WDPCP: variants seen among roughly 807,000 people sequenced by gnomAD.
The protein encoded by WDPCP is WD repeat containing planar cell polarity effector, also known as WD repeat-containing and planar cell polarity effector protein fritz homolog.
A neutral mutation model predicts 93.1 loss-of-function variants in WDPCP; 71 were observed. That is an observed-to-expected ratio of 0.76 (90% CI 0.63 to 0.93). The LOEUF is 0.93. Among genes scored for constraint, WDPCP ranks in the 40% least tolerant of loss-of-function variants. The pLI is 0.00. For missense variants in WDPCP, 844 were observed against 887.4 expected, an observed-to-expected ratio of 0.95 and a Z score of 0.62; for synonymous variants, 315 against 315.0, an observed-to-expected ratio of 1.00 and a Z score of 0.00.
chr2:63,808,553 G>A (rs1236064215), intron 2 of WDPCP, among the ~76,000 whole-genome samples: 1 of 152,172 alleles, frequency 6.6e-6, no homozygotes, highest in Non-Finnish European at 1.5e-5. Flanking sequence ...TGTGTTGGCC[G>A]GGCTGGTCTC....
At chr2:63,575,974 T>C (rs1350384071) in intron 1 of WDPCP, among the ~76,000 whole-genome samples, 1 of 152,166 alleles carries the variant, frequency 6.6e-6, no homozygotes, top group African/African-American at 2.4e-5. Flanking sequence ...TTATTTCCTT[T>C]TTACAGGCAC....
rs904014290 is a variant in WDPCP, at chr2:63,261,169, G to A, written c.1813-1760C>T. ...TGCATCACATACTTCCTGCACTGTC[G>A]AAAGGTTTTTTTTTTTTCTGTTTTT... is the stretch of plus-strand genomic sequence containing the variant. On this transcript the variant is annotated intron_variant, in intron 13 of 17. Transcript: ENST00000272321. Among the ~76,000 whole-genome samples the A allele has an allele frequency of 4.1e-5, 4 of 96,732 alleles. No homozygotes were observed. The East Asian group carries it at 7.6e-4, about 18-fold the overall frequency. 63.5% of individuals were successfully genotyped at this position (96,732 alleles called of 152,430 possible). A position where few individuals can be genotyped will look rare whatever the true frequency, so the allele number is the denominator to read the frequency against.
chr2:63,460,752 G>A (rs768789189), intron 6 of WDPCP, among the ~76,000 whole-genome samples: 31 of 151,892 alleles, frequency 2.0e-4, no homozygotes, highest in Non-Finnish European at 4.3e-4. Flanking sequence ...TCAGCCTCCT[G>A]AGTTGCTGGG....
chr2:63,400,479 A>G (rs1055719018), intron 10 of WDPCP, among the ~76,000 whole-genome samples: 1 of 152,234 alleles, frequency 6.6e-6, no homozygotes, highest in Non-Finnish European at 1.5e-5. Context: ...TAAACTGTAT[A>G]TCTGACAAAG....
intron 12 of WDPCP, among the ~76,000 whole-genome samples, chr2:63,344,857 C>G (rs971604586): frequency 2.6e-5 from 4 of 152,160 alleles, no homozygotes; most frequent in Non-Finnish European, 5.9e-5. Flanking sequence ...ACCAACTAAC[C>G]ACACCAGAAA....
At chr2:63,739,477 A>G (rs1669685034) in intron 2 of WDPCP, among the ~76,000 whole-genome samples, 1 of 152,146 alleles carries the variant, frequency 6.6e-6, no homozygotes, top group Non-Finnish European at 1.5e-5. Context: ...GAATAGTGCT[A>G]CAATGAACAT....
At chr2:63,539,131 T>G (rs961844795) in intron 1 of WDPCP, among the ~76,000 whole-genome samples, 1 of 152,238 alleles carries the variant, frequency 6.6e-6, no homozygotes, top group Non-Finnish European at 1.5e-5. Context: ...TAGTATTTGA[T>G]GAAAAGTGAA....
At chr2:63,550,555 T>A (rs935245409) in intron 1 of WDPCP, among the ~76,000 whole-genome samples, 2 of 151,940 alleles carry the variant, frequency 1.3e-5, no homozygotes, top group Admixed American at 1.3e-4. Flanking sequence ...GTACCATTTT[T>A]CTGTTTCTGT....
At chr2:63,509,110 C>T (rs1702063572) in intron 1 of WDPCP, among the ~76,000 whole-genome samples, 1 of 152,144 alleles carries the variant, frequency 6.6e-6, no homozygotes, top group Non-Finnish European at 1.5e-5. Flanking sequence ...AACTCTCCAC[C>T]CCAAGTCAAC....
chr2:63,651,945 T>C (rs1710114286), intron 2 of WDPCP, among the ~76,000 whole-genome samples: 1 of 152,238 alleles, frequency 6.6e-6, no homozygotes, highest in Non-Finnish European at 1.5e-5. Context: ...CGTGTGTTCC[T>C]GGAGCTATAA....
At chr2:63,533,852 C>T (rs567544307) in intron 1 of WDPCP, among the ~76,000 whole-genome samples, 80 of 151,458 alleles carry the variant, frequency 5.3e-4, no homozygotes, top group African/African-American at 1.8e-3. Flanking sequence ...CAAGAAATAA[C>T]AAAGATCAGA....
In WDPCP at chr2:63,152,902, A is replaced by G. The variant is rs1447133161; in HGVS notation, c.2190+12T>C. 1.2e-6 allele frequency: 2 copies of G among 1,609,850 alleles called. No homozygotes were observed. Among genetic ancestry groups the G allele is most frequent in the South Asian group, 1.1e-5 (1 of 90,922 alleles). ...TTTAAATGTCTAGTAATAAACAGAG[A>G]AAGTGTTTTACCTGTTCTCTGCCGT... On this transcript the variant is annotated intron_variant, in intron 17 of 17. Transcript: ENST00000272321.
chr2:63,327,939 G>A (rs1224655568), intron 12 of WDPCP, among the ~76,000 whole-genome samples: 5 of 152,118 alleles, frequency 3.3e-5, no homozygotes, highest in African/African-American at 1.2e-4. Flanking sequence ...GTTCCCCTCT[G>A]AAGGACACTA....
At chr2:63,380,727 A>T (rs1296693678) in intron 11 of WDPCP, among the ~76,000 whole-genome samples, 2 of 152,118 alleles carry the variant, frequency 1.3e-5, no homozygotes, top group African/African-American at 4.8e-5. Flanking sequence ...TCTCTAAATA[A>T]AAAAAGAAAA....
chr2:63,572,156 C>T (rs536250498), intron 1 of WDPCP, among the ~76,000 whole-genome samples: 2 of 152,304 alleles, frequency 1.3e-5, no homozygotes, highest in Non-Finnish European at 2.9e-5. Context: ...CCTTAACCCA[C>T]TGAATACTTT....
intron 12 of WDPCP, among the ~76,000 whole-genome samples, chr2:63,362,433 G>A (rs1461786844): frequency 6.6e-6 from 1 of 151,614 alleles, no homozygotes; most frequent in African/African-American, 2.4e-5. Flanking sequence ...GGTCATCAGT[G>A]GTGTTTATTA....
chr2:63,215,085 G>C (rs551962102), intron 14 of WDPCP, among the ~76,000 whole-genome samples: 158 of 152,246 alleles, frequency 1.0e-3, no homozygotes, highest in African/African-American at 3.7e-3. Context: ...TCCCCATCAA[G>C]CTACCAATGA....
intron 1 of WDPCP, among the ~76,000 whole-genome samples, chr2:63,567,260 C>A (rs1707145771): frequency 6.6e-6 from 1 of 152,186 alleles, no homozygotes; most frequent in Non-Finnish European, 1.5e-5. Context: ...CAAACCCTAT[C>A]CTTCCCTTGG....
At chr2:63,396,731 G>C (rs556572491) in intron 10 of WDPCP, among the ~76,000 whole-genome samples, 10 of 152,076 alleles carry the variant, frequency 6.6e-5, no homozygotes, top group African/African-American at 2.2e-4. Flanking sequence ...TCATATCATG[G>C]GGGCCTGTTG....
Sources: allele counts gnomAD v4.1 joint callset (sites outside exome capture counted in the v4.1 genomes callset), GRCh38; gene constraint gnomAD v4.1.1; transcripts MANE v1.5; gene names NCBI Gene and HGNC (gene_info 2026-07-23, HGNC 2026-07-21).